VILL: variants seen among roughly 807,000 people sequenced by gnomAD.
VILL encodes villin-like protein.
Under a neutral mutation model 106.3 loss-of-function variants are expected in VILL, and 102 were observed. That is an observed-to-expected ratio of 0.96 (90% CI 0.82 to 1.13). VILL has a LOEUF of 1.13. Ranked by LOEUF, VILL falls within the 50% of genes most tolerant of loss-of-function variation. VILL has a pLI of 0.00. For synonymous variants in VILL, 431 were observed against 440.3 expected, an observed-to-expected ratio of 0.98 and a Z score of 0.27; for missense variants, 1,076 against 1,116.6, an observed-to-expected ratio of 0.96 and a Z score of 0.52.
chr3:38,004,680 C>T (rs1271866991), intron 16 of VILL, among the ~76,000 whole-genome samples: 1 of 152,202 alleles, frequency 6.6e-6, no homozygotes, highest in Non-Finnish European at 1.5e-5. Flanking sequence ...CCTTATGATA[C>T]TATGTGTGGC....
Position 38,006,251 on chromosome 3 carries a change from C to T in VILL, c.2204C>T (p.Ala735Val). 6.2e-7 allele frequency: 1 copy of T among 1,614,224 alleles called. No homozygotes were observed. The highest frequency in any genetic ancestry group is 8.5e-7 in the Non-Finnish European group (1 of 1,180,034). ...GCATCAACCATCTCTGAGATAACAG[C>T]AGTGAGTCCTGGGGCCCCTAGCCTT... is the stretch of plus-strand genomic sequence containing the variant. ...AAASTISEITAEVNNLRLSRW... is the reference protein window; with the variant it reads ...AAASTISEITVEVNNLRLSRW... Residue 735 changes from alanine to valine, a missense_variant and splice_region_variant, in exon 18 of 20, where the codon GCA (alanine) becomes GTA (valine). By Grantham distance (64) the Ala-to-Val change is moderately conservative. Coordinates refer to ENST00000383759, the MANE Select transcript of VILL (RefSeq NM_015873.4).
rs200266630 is a variant in VILL at position 38,002,394 on chromosome 3, A to C, written c.1480-2A>C. On this transcript the variant is annotated splice_acceptor_variant, in intron 13 of 19. Coordinates refer to ENST00000383759, the MANE Select transcript of VILL (RefSeq NM_015873.4). LOFTEE classifies it high-confidence loss of function. ...CCAGCCTGAGGCCTTGCTCTCCTAT[A>C]GGAGAGAGCTGGGCACCATGGAAAG... is the stretch of plus-strand genomic sequence containing the variant. 483 of 1,609,216 alleles carry C rather than the reference A, an allele frequency of 3.0e-4. No individual in the cohort carries two copies. The highest frequency in any genetic ancestry group is 4.0e-4 in the Non-Finnish European group (471 of 1,177,524).
At chr3:37,993,859 A>G in intron 2 of VILL, 39 bp from the exon 3 acceptor site, 1 of 1,612,816 alleles carries the variant, frequency 6.2e-7, no homozygotes, top group Non-Finnish European at 8.5e-7. Flanking sequence ...TCATGGGTAG[A>G]GGCCTCCTGA....
rs913252742 is a variant in VILL at position 37,998,489 on chromosome 3, T to C, written c.942+125T>C. 6 of 858,232 alleles carry C rather than the reference T, an allele frequency of 7.0e-6. No homozygotes were observed. Among genetic ancestry groups the C allele is most frequent in the Non-Finnish European group, 1.1e-5 (6 of 554,620 alleles). 53.2% of individuals were successfully genotyped at this position (858,232 alleles called of 1,614,324 possible). A position where few individuals can be genotyped will look rare whatever the true frequency, so the allele number is the denominator to read the frequency against. The stretch of plus-strand genomic sequence containing the variant: ...CCCTAGAGTTTGAGTTGGGAAATCC[T>C]ATGCTGGAGTCTTAAAGGGGAGGTA... On this transcript the variant is annotated intron_variant, in intron 9 of 19. Coordinates refer to ENST00000383759, the MANE Select transcript of VILL (RefSeq NM_015873.4). The surrounding 1 kb of genome is among the most constrained non-coding windows in gnomAD (Gnocchi z 4.1).
upstream of VILL, among the ~76,000 whole-genome samples, chr3:37,988,828 C>T (rs1469485394): frequency 6.6e-6 from 1 of 152,198 alleles, no homozygotes; most frequent in Non-Finnish European, 1.5e-5. Flanking sequence ...TGCCATTGCA[C>T]TCCAGCCTCG....
chr3:37,995,209 C>G (rs922471672), intron 4 of VILL, among the ~76,000 whole-genome samples: 1 of 152,220 alleles, frequency 6.6e-6, no homozygotes, highest in African/African-American at 2.4e-5. Context: ...TTTAAATTAA[C>G]ACTAGCAATA....
chr3:37,993,583 G>A lies in VILL; in HGVS notation c.-86-4G>A. On this transcript the variant is annotated splice_polypyrimidine_tract_variant and splice_region_variant and intron_variant, in intron 1 of 19. Coordinates refer to ENST00000383759, the MANE Select transcript of VILL (RefSeq NM_015873.4). Reference sequence around the variant, plus strand: ...CCTAATAAAAGTCATGTTCTATAATGAAGTTGTACAGGTAGCCAGGTGTCG... The same window carrying A: ...CCTAATAAAAGTCATGTTCTATAATAAAGTTGTACAGGTAGCCAGGTGTCG... The A allele has an allele frequency of 8.3e-7, 1 of 1,209,380 alleles. No homozygotes were observed. The highest frequency in any genetic ancestry group is 1.5e-5 in the African/African-American group (1 of 65,908). 74.9% of individuals were successfully genotyped at this position (1,209,380 alleles called of 1,614,324 possible). A position where few individuals can be genotyped will look rare whatever the true frequency, so the allele number is the denominator to read the frequency against.
chr3:37,989,920 C>A (rs960053609), upstream of VILL, among the ~76,000 whole-genome samples: 12 of 152,320 alleles, frequency 7.9e-5, no homozygotes, highest in Admixed American at 7.8e-4. Context: ...ACACAGACTG[C>A]CCCCGAGTCC....
chr3:37,990,025 G>GTGCATAAC (rs1699590713), upstream of VILL, among the ~76,000 whole-genome samples: 1 of 152,222 alleles, frequency 6.6e-6, no homozygotes, highest in Non-Finnish European at 1.5e-5. The surrounding 1 kb of genome is among the most constrained non-coding windows in gnomAD (Gnocchi z 5.1). Context: ...TAGCAGCGTG[G>GTGCATAAC]CTTTGATGGG....
intron 1 of VILL, among the ~76,000 whole-genome samples, chr3:37,992,693 C>T (rs1018453785): frequency 6.6e-6 from 1 of 152,122 alleles, no homozygotes; most frequent in Non-Finnish European, 1.5e-5. Context: ...GCTCTAACCC[C>T]CTAGAAGGAC....
chr3:37,997,079 G>A lies in VILL; in HGVS notation c.453G>A (p.Val151=), dbSNP rs762971717. 2.5e-6 allele frequency: 4 copies of A among 1,613,888 alleles called. No individual in the cohort carries two copies. The highest frequency in any genetic ancestry group is 3.4e-6 in the Non-Finnish European group (4 of 1,179,858). Residue 151 remains valine (V), a splice_region_variant and synonymous_variant, in exon 6 of 20, where the codon GTG becomes GTA. Transcript: ENST00000383759. The surrounding 1 kb of genome is among the most constrained non-coding windows in gnomAD (Gnocchi z 4.7). ...GTCTCTCTCCCTGGCTCTGGCAGGT[G>A]GAGCTCTCCTGGAACAGCTTTAATA... The part of the protein sequence containing the change: ...KGRKHVSATE[V]ELSWNSFNKG...
At position 37,994,441 on chromosome 3, in the gene VILL, T is replaced by C. The variant is rs772047995; in HGVS notation, c.316T>C (p.Cys106Arg). ...GCAGGGCCACGAGTCCGACTGCTTC[T>C]GCAGCTACTTCCGCCCGGGAATCAT... is the stretch of plus-strand genomic sequence containing the variant. The part of the protein sequence containing the change: ...EAQGHESDCF[C>R]SYFRPGIIYR... Residue 106 changes from cysteine to arginine, a missense_variant, in exon 4 of 20, where the codon TGC (cysteine) becomes CGC (arginine). Cys to Arg is a radical substitution (Grantham distance 180). Coordinates refer to ENST00000383759, the MANE Select transcript of VILL (RefSeq NM_015873.4). 6.2e-7 allele frequency: 1 copy of C among 1,612,602 alleles called. No individual in the cohort carries two copies. Among genetic ancestry groups the C allele is most frequent in the Non-Finnish European group, 8.5e-7 (1 of 1,179,844 alleles).
intron 11 of VILL, 55 bp from the exon 12 acceptor site, chr3:38,001,401 G>A (rs1006210437): frequency 6.2e-7 from 1 of 1,600,880 alleles, no homozygotes; most frequent in Non-Finnish European, 8.5e-7. Context: ...TACAGGATGG[G>A]TGGGCTGGTT....
intron 11 of VILL, chr3:38,001,068 G>A (rs555402659): frequency 4.2e-6 from 2 of 479,504 alleles, no homozygotes; most frequent in East Asian, 6.0e-5. Context: ...TGGATAAAAG[G>A]GAATTCATTC....
chr3:38,003,497 T>C (rs2125537431), intron 15 of VILL, 184 bp downstream of exon 15: 3 of 745,344 alleles, frequency 4.0e-6, no homozygotes, highest in Middle Eastern at 8.0e-4. Flanking sequence ...CCTGGGTAAC[T>C]TGCGTCTCTC....
chr3:37,995,299 T>G (rs1320834197), intron 4 of VILL, among the ~76,000 whole-genome samples: 1 of 152,256 alleles, frequency 6.6e-6, no homozygotes, highest in Non-Finnish European at 1.5e-5. Flanking sequence ...AGCATATACA[T>G]GAACACATGC....
In VILL at chr3:37,994,388, G is replaced by C; in HGVS notation, c.263G>C (p.Gly88Ala). 1 of 1,612,556 alleles carries C rather than the reference G, an allele frequency of 6.2e-7. No individual in the cohort carries two copies. The highest frequency in any genetic ancestry group is 1.7e-4 in the Middle Eastern group (1 of 6,054). The change falls in exon 4 of 20, where the codon GGG becomes GCG. Residue 88 changes from glycine to alanine, a missense_variant. Physicochemically the swap from Gly to Ala is moderately conservative, Grantham distance 60. Coordinates refer to ENST00000383759, the MANE Select transcript of VILL (RefSeq NM_015873.4). ...CAGCAGCGCCTACAGGACGAGCTGG[G>C]GGGCCAGACCGTGCTGCACCGCGAG... ...AFQQRLQDELGGQTVLHREAQ... is the reference protein window; with the variant it reads ...AFQQRLQDELAGQTVLHREAQ...
In VILL at chr3:37,997,871, C is replaced by T. The variant is rs1447696982; in HGVS notation, c.764+186C>T. On this transcript the variant is annotated intron_variant, in intron 7 of 19. Transcript: ENST00000383759. This position sits in a 1 kb window ranked among gnomAD's most constrained non-coding sequence, Gnocchi z 4.7. ...GGCATGTGGCTGCCTTGCTGAGAAACCTATTGTACATACAGGGGGACTGTG... is the reference window on the plus strand; with the variant it reads ...GGCATGTGGCTGCCTTGCTGAGAAATCTATTGTACATACAGGGGGACTGTG... Among the ~76,000 whole-genome samples, 1 of 152,224 alleles carries T rather than the reference C, an allele frequency of 6.6e-6. No individual in the cohort carries two copies.
Position 37,997,251 on chromosome 3 carries a change from C to G in VILL, c.561+64C>G, listed in dbSNP as rs1269413972. The G allele has an allele frequency of 6.5e-7, 1 of 1,529,506 alleles. No homozygotes were observed. The highest frequency in any genetic ancestry group is 9.0e-7 in the Non-Finnish European group (1 of 1,107,170). The allele number at this position is 1,529,506 out of a possible 1,614,324, so 94.7% of individuals were successfully genotyped here. ...GGGCGGGGAATGATCCTCCAGTTGA[C>G]CATCCTCCGGCCACCCAAAGAGTTG... On this transcript the variant is annotated intron_variant, in intron 6 of 19. Transcript: ENST00000383759. This position sits in a 1 kb window ranked among gnomAD's most constrained non-coding sequence, Gnocchi z 4.7.
Sources: allele counts gnomAD v4.1 joint callset (sites outside exome capture counted in the v4.1 genomes callset), GRCh38; gene constraint gnomAD v4.1.1; non-coding constraint Gnocchi (gnomAD v3.1); transcripts MANE v1.5; gene names NCBI Gene and HGNC (gene_info 2026-07-23, HGNC 2026-07-21).